AOPEP: variants seen among roughly 807,000 people sequenced by gnomAD.
AOPEP encodes the protein aminopeptidase O (putative).
A neutral mutation model predicts 98.1 loss-of-function variants in AOPEP; 77 were observed. That is an observed-to-expected ratio of 0.78 (90% CI 0.65 to 0.95). AOPEP has a LOEUF of 0.95. AOPEP is among the 40% of genes least tolerant of loss of function. The pLI is 0.00. For synonymous variants in AOPEP, 346 were observed against 365.3 expected (o/e 0.95, Z 0.60); for missense variants, 1,024 against 1,024.7 (o/e 1.00, Z 0.01).
chr9:95,011,296 A>G (rs906648667), intron 13 of AOPEP, among the ~76,000 whole-genome samples: 7 of 144,910 alleles, frequency 4.8e-5, no homozygotes, highest in African/African-American at 1.3e-4. Context: ...CGCGGGTTCC[A>G]GCGATTCTTC....
At chr9:94,851,217 G>A (rs1345944079) in intron 5 of AOPEP, among the ~76,000 whole-genome samples, 1 of 152,164 alleles carries the variant, frequency 6.6e-6, no homozygotes, top group Non-Finnish European at 1.5e-5. Flanking sequence ...GAGCGTCCTT[G>A]CAGGCGTGCC....
At chr9:94,775,984 T>C (rs1361951154) in intron 3 of AOPEP, among the ~76,000 whole-genome samples, 4 of 140,484 alleles carry the variant, frequency 2.8e-5, no homozygotes, top group East Asian at 3.9e-4. Context: ...ATCTCAAAAA[T>C]AAATAAATAA....
chr9:94,853,861 G>C (rs1029234569), intron 5 of AOPEP, among the ~76,000 whole-genome samples: 1 of 152,122 alleles, frequency 6.6e-6, no homozygotes, highest in Non-Finnish European at 1.5e-5. Context: ...CATGGTACAC[G>C]CATGGAGAAG....
intron 6 of AOPEP, among the ~76,000 whole-genome samples, chr9:94,925,497 C>T (rs1486861690): frequency 6.6e-6 from 1 of 152,258 alleles, no homozygotes; most frequent in Admixed American, 6.5e-5. Flanking sequence ...ACCCGGCTCA[C>T]AATTCAACAC....
chr9:95,004,843 A>G (rs1217296127), intron 11 of AOPEP: 1 of 147,306 alleles, frequency 6.8e-6, no homozygotes, highest in African/African-American at 2.5e-5. Flanking sequence ...TGGGGAGAAC[A>G]ATACAATGCC....
chr9:95,055,838 G>T, intron 13 of AOPEP, among the ~76,000 whole-genome samples: 1 of 152,188 alleles, frequency 6.6e-6, no homozygotes. Context: ...TTGAATTTCA[G>T]CCAGCAAGTC....
chr9:95,086,130 G>A lies in AOPEP; in HGVS notation c.*5-552G>A, dbSNP rs144800826. Reference sequence around the variant, plus strand: ...AAAGCCTTCGTGTCTGTAAGTGCCCGAGGCTCAGGAGAGCTGGGGCTCCCA... The same window carrying A: ...AAAGCCTTCGTGTCTGTAAGTGCCCAAGGCTCAGGAGAGCTGGGGCTCCCA... On this transcript the variant is annotated intron_variant, in intron 16 of 16. Coordinates refer to ENST00000375315, the MANE Select transcript of AOPEP (RefSeq NM_001193329.3). The A allele has an allele frequency of 1.9e-4, 254 of 1,360,236 alleles. 1 individual carries two copies. In the Middle Eastern group the frequency reaches 2.2e-3, roughly 12 times the overall value. The allele number at this position is 1,360,236 out of a possible 1,614,324, so 84.3% of individuals were successfully genotyped here. A position where few individuals can be genotyped will look rare whatever the true frequency, so the allele number is the denominator to read the frequency against.
At chr9:94,883,609 A>G (rs1213975023) in intron 5 of AOPEP, among the ~76,000 whole-genome samples, 1 of 152,220 alleles carries the variant, frequency 6.6e-6, no homozygotes, top group East Asian at 1.9e-4. Flanking sequence ...CAAGGAAGCA[A>G]GTATTAATAC....
rs1315255598 is a variant in AOPEP, at chr9:94,924,095, G to A, written c.1474G>A (p.Ala492Thr). Residue 492 changes from alanine to threonine, a missense_variant, in exon 6 of 17, where the codon GCC becomes ACC. Transcript: ENST00000375315. Reference sequence around the variant, plus strand: ...TGCCTGGTTTGGCCTAGCCATCGGGGCCCGAGACTGGACGGAGGAGTGGCT... The same window carrying A: ...TGCCTGGTTTGGCCTAGCCATCGGGACCCGAGACTGGACGGAGGAGTGGCT... ...AHAWFGLAIG[A>T]RDWTEEWLSE... 3 of 1,516,258 alleles carry A rather than the reference G, an allele frequency of 2.0e-6. No individual in the cohort carries two copies. Among genetic ancestry groups the A allele is most frequent in the East Asian group, 5.3e-5 (2 of 38,094 alleles). 93.9% of individuals were successfully genotyped at this position (1,516,258 alleles called of 1,614,324 possible). A position where few individuals can be genotyped will look rare whatever the true frequency, so the allele number is the denominator to read the frequency against.
chr9:94,840,322 A>G (rs962801539), intron 5 of AOPEP, among the ~76,000 whole-genome samples: 1 of 152,204 alleles, frequency 6.6e-6, no homozygotes, highest in Non-Finnish European at 1.5e-5. Context: ...ATATTGAACC[A>G]GCTTTCCATT....
the AOPEP span, chr9:95,101,730 T>C: frequency 6.2e-7 from 1 of 1,614,090 alleles, no homozygotes; most frequent in Non-Finnish European, 8.5e-7. Context: ...CGCAGCTCTT[T>C]AAGGAGCTCT....
intron 1 of AOPEP, among the ~76,000 whole-genome samples, chr9:94,748,373 A>G (rs1334015416): frequency 1.3e-5 from 2 of 152,216 alleles, no homozygotes; most frequent in Non-Finnish European, 2.9e-5. Flanking sequence ...CTGTGTAAAT[A>G]AACTTTTGAA....
In AOPEP at chr9:94,945,862, A is replaced by G. The variant is rs563990951; in HGVS notation, c.1662-9315A>G. Among the ~76,000 whole-genome samples the G allele has an allele frequency of 1.3e-3, 192 of 152,076 alleles. 2 individuals carry two copies. Among genetic ancestry groups the G allele is most frequent in the African/African-American group, 4.4e-3 (183 of 41,462 alleles). The stretch of plus-strand genomic sequence containing the variant: ...AATACAGAAAAAGTTTTCCATTTTT[A>G]TTCTTTCTACTTTTGCTTCCAGTAA... On this transcript the variant is annotated intron_variant, in intron 7 of 16. Coordinates refer to ENST00000375315, the MANE Select transcript of AOPEP (RefSeq NM_001193329.3).
intron 5 of AOPEP, chr9:94,900,838 G>A (rs2050297841): frequency 6.6e-6 from 1 of 152,140 alleles, no homozygotes; most frequent in Non-Finnish European, 1.5e-5. Flanking sequence ...GCGATTCTGG[G>A]AACTGACTTT....
intron 7 of AOPEP, among the ~76,000 whole-genome samples, chr9:94,949,509 A>G (rs1302822794): frequency 1.3e-5 from 2 of 152,098 alleles, no homozygotes; most frequent in Non-Finnish European, 2.9e-5. Context: ...AAATCATCTT[A>G]GCAATTGCCT....
intron 5 of AOPEP, among the ~76,000 whole-genome samples, chr9:94,812,178 T>C (rs1451074254): frequency 6.6e-6 from 1 of 152,150 alleles, no homozygotes; most frequent in Admixed American, 6.5e-5. Flanking sequence ...CTTCTCACTC[T>C]GTAATACTTC....
the AOPEP span, among the ~76,000 whole-genome samples, chr9:95,106,170 AG>A: frequency 4.6e-5 from 7 of 152,024 alleles, no homozygotes; most frequent in Non-Finnish European, 8.8e-5. Flanking sequence ...ATGGCTGTGC[AG>A]TGCATCTCGC....
intron 5 of AOPEP, among the ~76,000 whole-genome samples, chr9:94,811,632 G>A (rs1045700746): frequency 6.6e-6 from 1 of 152,180 alleles, no homozygotes; most frequent in African/African-American, 2.4e-5. Flanking sequence ...CCAGAGCTCA[G>A]CAGGGTGCAC....
intron 5 of AOPEP, among the ~76,000 whole-genome samples, chr9:94,829,209 C>T (rs1855378368): frequency 6.6e-6 from 1 of 151,906 alleles, no homozygotes; most frequent in Non-Finnish European, 1.5e-5. Flanking sequence ...CACACACACA[C>T]ACACGCACAC....
Sources: gnomAD v4.1 joint callset for allele counts (sites outside exome capture counted in the v4.1 genomes callset) on GRCh38, gnomAD v4.1.1 for gene constraint, MANE v1.5 for transcripts, NCBI Gene and HGNC (gene_info 2026-07-23, HGNC 2026-07-21) for gene names.